RPTOR: variants seen among roughly 807,000 people sequenced by gnomAD.
RPTOR encodes the protein regulatory-associated protein of mTOR.
A neutral mutation model predicts 169.9 loss-of-function variants in RPTOR; 21 were observed. The ratio of observed to expected loss-of-function variants is 0.12; its 90% CI spans 0.09 to 0.18. RPTOR has a LOEUF of 0.18. RPTOR is among the 10% of genes least tolerant of loss of function. The probability of loss-of-function intolerance (pLI) is 1.00; values close to 1 mark genes in which losing one functional copy is unlikely to be tolerated. For synonymous variants in RPTOR, 732 were observed against 753.2 expected, an observed-to-expected ratio of 0.97 and a Z score of 0.46; for missense variants, 1,133 against 1,855.9, an observed-to-expected ratio of 0.61 and a Z score of 7.16.
chr17:80,829,636 G>A (rs1373506469), intron 9 of RPTOR, among the ~76,000 whole-genome samples: 5 of 152,128 alleles, frequency 3.3e-5, no homozygotes, highest in African/African-American at 7.2e-5. Flanking sequence ...CATGGGGGGC[G>A]GCCCGTAGAC....
In RPTOR at chr17:80,947,103, C is replaced by T. The variant is rs1330559729; in HGVS notation, c.3141-124C>T. ...AGTAGCTAGGATGACAGGTGTGAGC[C>T]GCCGTGCCCGGCTGTGGTGTGTGGT... On this transcript the variant is annotated intron_variant, in intron 26 of 33. Transcript: ENST00000306801. The surrounding 1 kb of genome is among the most constrained non-coding windows in gnomAD (Gnocchi z 4.4). 24 of 942,090 alleles carry T rather than the reference C, an allele frequency of 2.5e-5. No homozygotes were observed. Among genetic ancestry groups the T allele is most frequent in the East Asian group, 6.3e-5 (2 of 31,662 alleles). 58.4% of individuals were successfully genotyped at this position (942,090 alleles called of 1,614,324 possible).
At chr17:80,819,484 T>G (rs186443634) in intron 7 of RPTOR, among the ~76,000 whole-genome samples, 1 of 152,348 alleles carries the variant, frequency 6.6e-6, no homozygotes, top group Admixed American at 6.5e-5. Flanking sequence ...TGTTTAATCA[T>G]TTCCCTCTCA....
At chr17:80,729,618 C>T (rs1431125662) in intron 4 of RPTOR, among the ~76,000 whole-genome samples, 3 of 152,176 alleles carry the variant, frequency 2.0e-5, no homozygotes, top group African/African-American at 4.8e-5. Flanking sequence ...CACTTATACC[C>T]CTTAAGTATG....
At chr17:80,642,826 T>C (rs1325590802) in intron 2 of RPTOR, among the ~76,000 whole-genome samples, 2 of 152,210 alleles carry the variant, frequency 1.3e-5, no homozygotes, top group Non-Finnish European at 2.9e-5. Flanking sequence ...GGTTTCCACA[T>C]ATGCAGTCAC....
chr17:80,935,852 G>GA (rs780582537), intron 24 of RPTOR, among the ~76,000 whole-genome samples: 154 of 151,946 alleles, frequency 1.0e-3, no homozygotes, highest in Non-Finnish European at 1.8e-3. Context: ...AGTCAAAAAA[G>GA]AAAAAAACGA....
intron 3 of RPTOR, among the ~76,000 whole-genome samples, chr17:80,674,026 A>C (rs972449216): frequency 6.6e-6 from 1 of 152,230 alleles, no homozygotes; most frequent in Non-Finnish European, 1.5e-5. Context: ...CTTGAAAACT[A>C]CTGATTTCTT....
rs117271175 is a variant in RPTOR, at chr17:80,708,535, G to A, written c.507+536G>A. On this transcript the variant is annotated intron_variant, in intron 4 of 33. Coordinates refer to ENST00000306801, the MANE Select transcript of RPTOR (RefSeq NM_020761.3). The surrounding 1 kb of genome is among the most constrained non-coding windows in gnomAD (Gnocchi z 4.2). ...CCCTTCTGTAGCTGTTGCTGTGGGT[G>A]GTGGGTGCTGACTGTCATCCCCATC... Among the ~76,000 whole-genome samples, 1,153 of 152,190 alleles carry A rather than the reference G, an allele frequency of 7.6e-3. 5 individuals carry two copies. Among genetic ancestry groups the A allele is most frequent in the Non-Finnish European group, 0.012 (803 of 67,988 alleles).
intron 7 of RPTOR, chr17:80,802,984 G>A (rs1168829179): frequency 6.6e-6 from 1 of 152,460 alleles, no homozygotes; most frequent in Admixed American, 6.5e-5. Context: ...CCTTCCCTGA[G>A]AGTCTGTTGC....
chr17:80,733,564 G>C (rs2066409822), intron 5 of RPTOR, among the ~76,000 whole-genome samples: 1 of 152,144 alleles, frequency 6.6e-6, no homozygotes, highest in Admixed American at 6.5e-5. Context: ...ACTGCTTCTT[G>C]ATTTGTCGTT....
At position 80,708,680 on chromosome 17, in the gene RPTOR, G is replaced by A. The variant is rs1238775630; in HGVS notation, c.507+681G>A. Among the ~76,000 whole-genome samples, 1 of 151,538 alleles carries A rather than the reference G, an allele frequency of 6.6e-6. No homozygotes were observed. Reference sequence around the variant, plus strand: ...GACTGTTGTCCCCACCCTCCAGGGTGTGGTGGGTGCTGACTGTCTCCCCAT... The same window carrying A: ...GACTGTTGTCCCCACCCTCCAGGGTATGGTGGGTGCTGACTGTCTCCCCAT... On this transcript the variant is annotated intron_variant, in intron 4 of 33. Transcript: ENST00000306801. The surrounding 1 kb of genome is among the most constrained non-coding windows in gnomAD (Gnocchi z 4.2).
rs1249059957 is a variant in RPTOR, at chr17:80,878,891, C to T, written c.1510-1524C>T. ...TGGCTTCCGGTAACACTGCCAGCCTCAGAGCCGGCCTGTTTCCTCCAGGAC... is the reference window on the plus strand; with the variant it reads ...TGGCTTCCGGTAACACTGCCAGCCTTAGAGCCGGCCTGTTTCCTCCAGGAC... On this transcript the variant is annotated intron_variant, in intron 13 of 33. Coordinates refer to ENST00000306801, the MANE Select transcript of RPTOR (RefSeq NM_020761.3). The surrounding 1 kb of genome is among the most constrained non-coding windows in gnomAD (Gnocchi z 4.1). Among the ~76,000 whole-genome samples, 2 of 152,150 alleles carry T rather than the reference C, an allele frequency of 1.3e-5. No individual in the cohort carries two copies. Among genetic ancestry groups the T allele is most frequent in the Non-Finnish European group, 2.9e-5 (2 of 68,018 alleles).
chr17:80,556,580 T>C (rs549075132), intron 1 of RPTOR, among the ~76,000 whole-genome samples: 1 of 152,168 alleles, frequency 6.6e-6, no homozygotes, highest in East Asian at 1.9e-4. Context: ...GAATGGACGA[T>C]AGAGCATGGA....
intron 20 of RPTOR, among the ~76,000 whole-genome samples, chr17:80,897,037 C>T (rs547748765): frequency 3.3e-5 from 5 of 152,194 alleles, no homozygotes; most frequent in African/African-American, 9.6e-5. Context: ...GAGGCCGAGA[C>T]GGGCGGATCA....
rs575283667 is a variant in RPTOR at position 80,960,371 on chromosome 17, C to T, written c.3605+166C>T. On this transcript the variant is annotated intron_variant, in intron 30 of 33. Transcript: ENST00000306801. This position sits in a 1 kb window ranked among gnomAD's most constrained non-coding sequence, Gnocchi z 4.8. ...AGGCCAGTCCTGGGCTCCCCAAAGCCGCCAGGCCCGTCCCACTGAGGCCCA... is the reference window on the plus strand; with the variant it reads ...AGGCCAGTCCTGGGCTCCCCAAAGCTGCCAGGCCCGTCCCACTGAGGCCCA... Among the ~76,000 whole-genome samples the T allele has an allele frequency of 8.5e-5, 13 of 152,356 alleles. No individual in the cohort carries two copies. The highest frequency in any genetic ancestry group is 2.6e-4 in the African/African-American group (11 of 41,578).
At chr17:80,945,528 C>T in intron 25 of RPTOR, 139 bp from the exon 26 acceptor site, 1 of 306,420 alleles carries the variant, frequency 3.3e-6, no homozygotes, top group South Asian at 3.3e-5. Context: ...GGAGGCGGAG[C>T]TTGCAGTGAG....
intron 6 of RPTOR, among the ~76,000 whole-genome samples, chr17:80,771,510 C>T (rs1015181412): frequency 1.3e-5 from 2 of 152,200 alleles, no homozygotes. Flanking sequence ...CCAAGCCTTT[C>T]TGCCCTTCCT....
intron 1 of RPTOR, among the ~76,000 whole-genome samples, chr17:80,574,158 C>CTTTT (rs554064785): frequency 3.1e-5 from 4 of 129,318 alleles, no homozygotes; most frequent in South Asian, 2.4e-4. Context: ...TTTCTTTTTT[C>CTTTT]TTTTTTTTTT....
At chr17:80,961,960 C>T (rs768619835) in intron 31 of RPTOR, among the ~76,000 whole-genome samples, 2 of 152,290 alleles carry the variant, frequency 1.3e-5, no homozygotes, top group South Asian at 2.1e-4. Context: ...TGCTCTTTTC[C>T]CCCTTGTTTG....
At chr17:80,868,129 T>G (rs2068014006) in intron 13 of RPTOR, among the ~76,000 whole-genome samples, 1 of 152,026 alleles carries the variant, frequency 6.6e-6, no homozygotes, top group African/African-American at 2.4e-5. Flanking sequence ...TATGATGACA[T>G]GGAGAAAATG....
Sources: allele counts gnomAD v4.1 joint callset (sites outside exome capture counted in the v4.1 genomes callset), GRCh38; gene constraint gnomAD v4.1.1; non-coding constraint Gnocchi (gnomAD v3.1); transcripts MANE v1.5; gene names NCBI Gene and HGNC (gene_info 2026-07-23, HGNC 2026-07-21).